GALNT13: variants seen among roughly 807,000 people sequenced by gnomAD.
The protein encoded by GALNT13 is polypeptide N-acetylgalactosaminyltransferase 13, also known as UDP-GalNAc:polypeptide N-acetylgalactosaminyltransferase 13.
A neutral mutation model predicts 64.2 loss-of-function variants in GALNT13; 28 were observed. That is an observed-to-expected ratio of 0.44 (90% CI 0.32 to 0.60). The LOEUF (loss-of-function observed/expected upper bound fraction) is 0.60, where lower values mean the gene tolerates loss of function less well. Among genes scored for constraint, GALNT13 ranks in the 20% least tolerant of loss-of-function variants. The probability of loss-of-function intolerance (pLI) is 0.05; values close to 1 mark genes in which losing one functional copy is unlikely to be tolerated. For missense variants in GALNT13, 577 were observed against 669.8 expected (o/e 0.86, Z 1.53); for synonymous variants, 214 against 224.6 (o/e 0.95, Z 0.42).
the GALNT13 span, among the ~76,000 whole-genome samples, chr2:153,822,756 T>C: frequency 6.6e-6 from 1 of 152,066 alleles, no homozygotes; most frequent in Non-Finnish European, 1.5e-5. Flanking sequence ...TCCAACATCA[T>C]ACTGGAAGTC....
chr2:153,292,103 C>A, the GALNT13 span, among the ~76,000 whole-genome samples: 4 of 152,048 alleles, frequency 2.6e-5, no homozygotes, highest in Non-Finnish European at 4.4e-5. Context: ...TGATTGTAAT[C>A]ATAATTCATA....
At chr2:153,243,261 C>T in the GALNT13 span, among the ~76,000 whole-genome samples, 1 of 152,070 alleles carries the variant, frequency 6.6e-6, no homozygotes, top group Non-Finnish European at 1.5e-5. Context: ...ATAGGATTTC[C>T]CTCCTTCTGG....
At chr2:154,063,054 T>A (rs1047607457) in intron 3 of GALNT13, among the ~76,000 whole-genome samples, 11 of 152,274 alleles carry the variant, frequency 7.2e-5, no homozygotes, top group African/African-American at 2.6e-4. Context: ...ATTTATTTCT[T>A]TATTTTTTAC....
chr2:153,097,553 A>T, the GALNT13 span, among the ~76,000 whole-genome samples: 1 of 152,198 alleles, frequency 6.6e-6, no homozygotes, highest in Non-Finnish European at 1.5e-5. Flanking sequence ...TATTTCTTAA[A>T]GGTGCACTAT....
the GALNT13 span, among the ~76,000 whole-genome samples, chr2:153,240,309 C>T: frequency 6.6e-6 from 1 of 152,130 alleles, no homozygotes; most frequent in Admixed American, 6.6e-5. Context: ...CAGTCTCTCA[C>T]ATGGCTGGCT....
chr2:154,247,995 A>T (rs1213982116), intron 7 of GALNT13, among the ~76,000 whole-genome samples: 1 of 152,144 alleles, frequency 6.6e-6, no homozygotes, highest in Non-Finnish European at 1.5e-5. Flanking sequence ...TTTTTCTCAC[A>T]TTCATACAAA....
At chr2:153,575,745 GAC>G in the GALNT13 span, among the ~76,000 whole-genome samples, 1 of 150,892 alleles carries the variant, frequency 6.6e-6, no homozygotes, top group East Asian at 1.9e-4. Context: ...CACCCTTTGG[GAC>G]AGTGGGCTCC....
chr2:154,237,689 AT>A (rs1024766751), intron 4 of GALNT13, among the ~76,000 whole-genome samples: 3 of 151,416 alleles, frequency 2.0e-5, no homozygotes, highest in African/African-American at 7.3e-5. Context: ...CAGTTTTTTC[AT>A]TTTATGTGTC....
intron 10 of GALNT13, among the ~76,000 whole-genome samples, chr2:154,401,077 C>T (rs1319387259): frequency 1.3e-5 from 2 of 152,146 alleles, no homozygotes; most frequent in Non-Finnish European, 2.9e-5. Context: ...TTAGCATATG[C>T]ATTTTGTATT....
At chr2:153,226,600 C>T in the GALNT13 span, among the ~76,000 whole-genome samples, 1 of 152,078 alleles carries the variant, frequency 6.6e-6, no homozygotes, top group African/African-American at 2.4e-5. Flanking sequence ...CAGACAAATC[C>T]CATTTGAAGG....
rs377179540 is a variant in GALNT13 at position 154,259,005 on chromosome 2, GT to G, written c.858-8del. 56 of 1,317,602 alleles carry G rather than the reference GT, an allele frequency of 4.3e-5. No individual in the cohort carries two copies. The highest frequency in any genetic ancestry group is 8.8e-5 in the African/African-American group (6 of 67,922). 81.6% of individuals were successfully genotyped at this position (1,317,602 alleles called of 1,614,324 possible). A position where few individuals can be genotyped will look rare whatever the true frequency, so the allele number is the denominator to read the frequency against. On this transcript the variant is annotated splice_polypyrimidine_tract_variant and intron_variant, in intron 7 of 12. Coordinates refer to ENST00000392825, the MANE Select transcript of GALNT13 (RefSeq NM_052917.4). ...TTTCAAAAGATATTCTTTTCTTTTT[GT>G]TTTTTTTCAACTAGGACCCCTACTA...
chr2:154,454,239 T>C (rs1001057195), downstream of GALNT13, among the ~76,000 whole-genome samples: 1 of 152,162 alleles, frequency 6.6e-6, no homozygotes, highest in African/African-American at 2.4e-5. Flanking sequence ...AACCCAGATA[T>C]GTAATATAAC....
chr2:153,290,584 C>A, the GALNT13 span, among the ~76,000 whole-genome samples: 4 of 152,234 alleles, frequency 2.6e-5, no homozygotes, highest in Admixed American at 6.5e-5. Context: ...TACCAATCTC[C>A]TTATTTTGTT....
chr2:153,906,227 CT>C (rs1171335186), intron 2 of GALNT13, among the ~76,000 whole-genome samples: 1 of 149,464 alleles, frequency 6.7e-6, no homozygotes, highest in Non-Finnish European at 1.5e-5. Flanking sequence ...GCTAATTTTT[CT>C]TTTTTTCTTT....
intron 8 of GALNT13, among the ~76,000 whole-genome samples, chr2:154,260,415 A>G (rs1294688838): frequency 6.6e-6 from 1 of 152,212 alleles, no homozygotes; most frequent in Non-Finnish European, 1.5e-5. Context: ...TGTAGAATTC[A>G]GTGGATCTTG....
At chr2:153,347,484 G>A in the GALNT13 span, among the ~76,000 whole-genome samples, 1 of 152,062 alleles carries the variant, frequency 6.6e-6, no homozygotes. Flanking sequence ...CCAAACACAG[G>A]ATCCTCTTCT....
intron 3 of GALNT13, among the ~76,000 whole-genome samples, chr2:154,131,850 A>G (rs940864058): frequency 5.3e-5 from 8 of 152,212 alleles, no homozygotes; most frequent in Non-Finnish European, 1.2e-4. Flanking sequence ...AGGGAAGCCA[A>G]CAGTGCAGCC....
intron 11 of GALNT13, among the ~76,000 whole-genome samples, chr2:154,420,179 G>A (rs977087550): frequency 6.6e-5 from 10 of 151,886 alleles, no homozygotes; most frequent in African/African-American, 2.4e-4. Context: ...CAACCATCAG[G>A]ACAACTTTTC....
At chr2:153,510,339 A>G in the GALNT13 span, among the ~76,000 whole-genome samples, 1 of 152,136 alleles carries the variant, frequency 6.6e-6, no homozygotes. Flanking sequence ...CACATAAGCT[A>G]CGGCCAGAAT....
Sources: allele counts gnomAD v4.1 joint callset (sites outside exome capture counted in the v4.1 genomes callset), GRCh38; gene constraint gnomAD v4.1.1; transcripts MANE v1.5; gene names NCBI Gene and HGNC (gene_info 2026-07-23, HGNC 2026-07-21).